ASIC2: variants seen among roughly 807,000 people sequenced by gnomAD.
The protein encoded by ASIC2 is acid sensing ion channel subunit 2, also known as acid-sensing ion channel 2.
Under a neutral mutation model 57.3 loss-of-function variants are expected in ASIC2, and 25 were observed. That is an observed-to-expected ratio of 0.44 (90% confidence interval 0.32 to 0.61). ASIC2 has a LOEUF of 0.61. ASIC2 is among the 20% of genes least tolerant of loss of function. The probability of loss-of-function intolerance (pLI) is 0.06; values close to 1 mark genes in which losing one functional copy is unlikely to be tolerated. For missense variants in ASIC2, 641 were observed against 738.1 expected, an observed-to-expected ratio of 0.87 and a Z score of 1.52; for synonymous variants, 319 against 307.5, an observed-to-expected ratio of 1.04 and a Z score of -0.39.
chr17:34,003,688 T>C (rs1906423589), intron 1 of ASIC2: 1 of 151,998 alleles, frequency 6.6e-6, no homozygotes, highest in Admixed American at 6.5e-5. Context: ...CTTTCAGAGG[T>C]TAAATCACTG....
chr17:33,064,470 G>A (rs950661787), intron 3 of ASIC2, among the ~76,000 whole-genome samples: 1 of 152,186 alleles, frequency 6.6e-6, no homozygotes, highest in African/African-American at 2.4e-5. Context: ...CTGTTTGCCT[G>A]GGTTTGTGGG....
intron 1 of ASIC2, among the ~76,000 whole-genome samples, chr17:33,163,662 G>C (rs1905224990): frequency 2.0e-5 from 3 of 152,118 alleles, no homozygotes; most frequent in Admixed American, 2.0e-4. Context: ...GGAGATACAG[G>C]ATTGAATAAA....
At chr17:33,420,275 G>T (rs1286143699) in intron 1 of ASIC2, among the ~76,000 whole-genome samples, 1 of 152,228 alleles carries the variant, frequency 6.6e-6, no homozygotes, top group Non-Finnish European at 1.5e-5. Flanking sequence ...ATGCTTTCAG[G>T]AAATGTACTG....
chr17:33,020,078 C>G (rs555572501), intron 7 of ASIC2, among the ~76,000 whole-genome samples: 1 of 152,212 alleles, frequency 6.6e-6, no homozygotes, highest in African/African-American at 2.4e-5. Flanking sequence ...GGCTGAGTGA[C>G]AGCCACTTTA....
intron 1 of ASIC2, among the ~76,000 whole-genome samples, chr17:34,030,553 G>A (rs977669748): frequency 3.9e-5 from 6 of 152,222 alleles, no homozygotes; most frequent in African/African-American, 7.2e-5. Flanking sequence ...GAAGTAGGGC[G>A]AGGCATCGCC....
At chr17:33,768,357 G>A (rs889231967) in intron 1 of ASIC2, among the ~76,000 whole-genome samples, 2 of 152,068 alleles carry the variant, frequency 1.3e-5, no homozygotes, top group Admixed American at 6.5e-5. Context: ...AAAATGCAGT[G>A]CAGAATCCTT....
intron 1 of ASIC2, among the ~76,000 whole-genome samples, chr17:33,782,776 A>T (rs140992854): frequency 0.011 from 1,664 of 152,150 alleles, 12 homozygotes; most frequent in Non-Finnish European, 0.015. Flanking sequence ...CTGATCATGG[A>T]CCTCCTTTGC....
At chr17:33,732,580 G>C (rs181822785) in intron 1 of ASIC2, among the ~76,000 whole-genome samples, 1 of 148,924 alleles carries the variant, frequency 6.7e-6, no homozygotes, top group Non-Finnish European at 1.5e-5. Flanking sequence ...CTAACTGCAA[G>C]CTCCGCCCCC....
intron 1 of ASIC2, among the ~76,000 whole-genome samples, chr17:33,947,521 T>A (rs1904421055): frequency 6.6e-6 from 1 of 152,002 alleles, no homozygotes; most frequent in South Asian, 2.1e-4. Context: ...TTGAGCTGGG[T>A]TTTGAAGGAT....
intron 1 of ASIC2, chr17:34,069,822 A>G (rs1909330992): frequency 6.6e-6 from 1 of 152,192 alleles, no homozygotes; most frequent in African/African-American, 2.4e-5. Context: ...AGACAGAGGG[A>G]GGCTTTGAAA....
intron 1 of ASIC2, among the ~76,000 whole-genome samples, chr17:33,417,083 C>T (rs1232021583): frequency 6.6e-6 from 1 of 152,156 alleles, no homozygotes; most frequent in Non-Finnish European, 1.5e-5. Flanking sequence ...GTAAAAGCAG[C>T]TCTTTACTGA....
At chr17:33,419,508 A>C (rs16963769) in intron 1 of ASIC2, among the ~76,000 whole-genome samples, 16,071 of 152,262 alleles carry the variant, frequency 0.11, 926 homozygotes, top group Middle Eastern at 0.14. Context: ...GCAATAGGTA[A>C]GAATGAAGAA....
At chr17:33,769,040 A>T (rs1911018284) in intron 1 of ASIC2, among the ~76,000 whole-genome samples, 1 of 152,194 alleles carries the variant, frequency 6.6e-6, no homozygotes, top group African/African-American at 2.4e-5. Flanking sequence ...ATCATCAAGC[A>T]TGACCTTATT....
chr17:33,937,348 C>G (rs553511697), intron 1 of ASIC2, among the ~76,000 whole-genome samples: 5 of 152,070 alleles, frequency 3.3e-5, no homozygotes. Flanking sequence ...ATCTGCCCAC[C>G]TCGGCCTCCC....
At chr17:33,818,549 GA>G (rs940545150) in intron 1 of ASIC2, among the ~76,000 whole-genome samples, 1 of 152,152 alleles carries the variant, frequency 6.6e-6, no homozygotes, top group Non-Finnish European at 1.5e-5. Flanking sequence ...TCCCCCAGGA[GA>G]CATTTAGCAA....
intron 1 of ASIC2, among the ~76,000 whole-genome samples, chr17:33,876,718 G>A (rs977151588): frequency 6.6e-6 from 1 of 152,190 alleles, no homozygotes; most frequent in Non-Finnish European, 1.5e-5. Context: ...GGATGGAAAG[G>A]AAGTAGAGCA....
rs143588993 is a variant in ASIC2 at position 34,049,573 on chromosome 17, G to A, written c.555+106405C>T. ...GCCCATCCTCCCCAGTGGGGCTCATGAACACCTTGGTCACTCTGGCTTCCC... is the reference window on the plus strand; with the variant it reads ...GCCCATCCTCCCCAGTGGGGCTCATAAACACCTTGGTCACTCTGGCTTCCC... On this transcript the variant is annotated intron_variant, in intron 1 of 9. Transcript: ENST00000359872. Among the ~76,000 whole-genome samples, 9 of 152,256 alleles carry A rather than the reference G, an allele frequency of 5.9e-5. No individual in the cohort carries two copies. In the East Asian group the frequency reaches 1.7e-3, roughly 29 times the overall value.
intron 1 of ASIC2, among the ~76,000 whole-genome samples, chr17:33,456,986 C>T (rs1295548978): frequency 6.6e-6 from 1 of 152,182 alleles, no homozygotes; most frequent in Non-Finnish European, 1.5e-5. Context: ...AGAGGATGGG[C>T]TTCAATCCTG....
chr17:33,918,897 G>A (rs535351511), intron 1 of ASIC2, among the ~76,000 whole-genome samples: 2 of 152,248 alleles, frequency 1.3e-5, no homozygotes, highest in South Asian at 2.1e-4. Context: ...TTTCCCAAAG[G>A]GTCTCAGGAC....
Sources: gnomAD v4.1 joint callset for allele counts (sites outside exome capture counted in the v4.1 genomes callset) on GRCh38, gnomAD v4.1.1 for gene constraint, MANE v1.5 for transcripts, NCBI Gene and HGNC (gene_info 2026-07-23, HGNC 2026-07-21) for gene names.